TRIO: variants seen among roughly 807,000 people sequenced by gnomAD.
TRIO encodes the protein triple functional domain protein.
TRIO carries 58 observed loss-of-function variants against 351.9 expected under a neutral mutation model. The observed-to-expected ratio is 0.16, with a 90% CI of 0.13 to 0.21. TRIO has a LOEUF of 0.21. TRIO is among the 10% of genes least tolerant of loss of function. The pLI, the probability that TRIO is intolerant of heterozygous loss-of-function variation, is 1.00. For synonymous variants in TRIO, 1,758 were observed against 1,595.7 expected, an observed-to-expected ratio of 1.10 and a Z score of -2.42; for missense variants, 3,201 against 4,027.8, an observed-to-expected ratio of 0.79 and a Z score of 5.56.
At chr5:14,342,550 ACT>A (rs1253320488) in intron 11 of TRIO, among the ~76,000 whole-genome samples, 9 of 151,884 alleles carry the variant, frequency 5.9e-5, no homozygotes, top group African/African-American at 1.5e-4. Context: ...CATGGAAATG[ACT>A]CTCTGCAGCC....
intron 48 of TRIO, among the ~76,000 whole-genome samples, chr5:14,489,884 G>A (rs1293405886): frequency 6.6e-6 from 1 of 152,182 alleles, no homozygotes; most frequent in Non-Finnish European, 1.5e-5. Context: ...AGGGAACCTG[G>A]AAAGGGAACT....
At chr5:14,218,272 TAGGGTG>T (rs1224826713) in intron 1 of TRIO, among the ~76,000 whole-genome samples, 2 of 152,182 alleles carry the variant, frequency 1.3e-5, no homozygotes, top group Non-Finnish European at 2.9e-5. Flanking sequence ...TTAAAGAGCT[TAGGGTG>T]GTGCCTGGAC....
chr5:14,327,636 G>A lies in TRIO; in HGVS notation c.1732-3142G>A, dbSNP rs114021910. 5.6e-3 allele frequency among the ~76,000 whole-genome samples: 850 copies of A among 151,612 alleles called. 8 individuals are homozygous for A. Among genetic ancestry groups the A allele is most frequent in the African/African-American group, 0.018 (762 of 41,234 alleles). ...CTGGTGACTTAATTTTTCTCTTTAC[G>A]TAAGTTAAGTAATATACCGAATATA... On this transcript the variant is annotated intron_variant, in intron 9 of 56. Coordinates refer to ENST00000344204, the MANE Select transcript of TRIO (RefSeq NM_007118.4).
chr5:14,487,542 G>T lies in TRIO; in HGVS notation c.6914G>T (p.Gly2305Val). 9.4e-7 allele frequency: 1 copy of T among 1,064,218 alleles called. No homozygotes were observed. The highest frequency in any genetic ancestry group is 1.1e-6 in the Non-Finnish European group (1 of 872,146). 65.9% of individuals were successfully genotyped at this position (1,064,218 alleles called of 1,614,324 possible). ...GGGGSGGSGG[G>V]GGSGGGGAPS... ...GGCGGCAGCGGGGGCAGCGGCGGGG[G>T]TGGGGGCAGCGGCGGCGGCGGGGCC... is the stretch of plus-strand genomic sequence containing the variant. Residue 2305 changes from glycine (G) to valine (V), a missense_variant, in exon 48 of 57, where the codon GGT becomes GTT. Transcript: ENST00000344204.
At chr5:14,214,225 G>T (rs781443078) in intron 1 of TRIO, among the ~76,000 whole-genome samples, 1 of 152,204 alleles carries the variant, frequency 6.6e-6, no homozygotes, top group African/African-American at 2.4e-5. Context: ...GGTGGCATCA[G>T]TTGCTCTCTG....
chr5:14,242,535 G>A (rs552665476), intron 1 of TRIO, among the ~76,000 whole-genome samples: 1 of 152,250 alleles, frequency 6.6e-6, no homozygotes, highest in Non-Finnish European at 1.5e-5. Flanking sequence ...ATCCATACTG[G>A]TTCACAAATG....
At chr5:14,198,711 TG>T (rs1790921194) in intron 1 of TRIO, among the ~76,000 whole-genome samples, 1 of 152,178 alleles carries the variant, frequency 6.6e-6, no homozygotes. Context: ...AGCCCCTTGA[TG>T]TTGCCCAGTC....
At chr5:14,152,986 C>T (rs533082727) in intron 1 of TRIO, among the ~76,000 whole-genome samples, 1 of 152,234 alleles carries the variant, frequency 6.6e-6, no homozygotes. Context: ...TTAGGCCTTT[C>T]TCTCATACCT....
intron 1 of TRIO, among the ~76,000 whole-genome samples, chr5:14,249,067 T>C (rs1344348630): frequency 6.6e-6 from 1 of 152,196 alleles, no homozygotes; most frequent in Non-Finnish European, 1.5e-5. Flanking sequence ...AGGCTGAGAA[T>C]AGACGGGCAG....
intron 9 of TRIO, among the ~76,000 whole-genome samples, chr5:14,319,043 C>T (rs1312512250): frequency 2.0e-5 from 3 of 152,122 alleles, no homozygotes; most frequent in Non-Finnish European, 4.4e-5. Context: ...AATTTGGTGC[C>T]AAATACTTAA....
chr5:14,492,251 G>C, intron 48 of TRIO: 1 of 383,920 alleles, frequency 2.6e-6, no homozygotes, highest in South Asian at 3.1e-5. Context: ...GTCAGCAGGA[G>C]GACTAAGATG....
At chr5:14,283,260 C>T (rs1453223970) in intron 3 of TRIO, among the ~76,000 whole-genome samples, 4 of 152,160 alleles carry the variant, frequency 2.6e-5, no homozygotes, top group Non-Finnish European at 5.9e-5. Context: ...GTCTTGGGGC[C>T]TGTGAGACCT....
At chr5:14,233,882 C>G (rs2152225652) in intron 1 of TRIO, among the ~76,000 whole-genome samples, 1 of 152,152 alleles carries the variant, frequency 6.6e-6, no homozygotes, top group Middle Eastern at 3.4e-3. Context: ...ACTTGAAATC[C>G]TGGGTTCAAG....
chr5:14,484,667 G>A (rs574458959), intron 46 of TRIO, among the ~76,000 whole-genome samples: 18 of 152,134 alleles, frequency 1.2e-4, no homozygotes, highest in Non-Finnish European at 2.4e-4. Flanking sequence ...ATGGGATTAA[G>A]AACATTCATG....
At chr5:14,353,557 C>T (rs1441439024) in intron 11 of TRIO, among the ~76,000 whole-genome samples, 1 of 152,116 alleles carries the variant, frequency 6.6e-6, no homozygotes, top group Non-Finnish European at 1.5e-5. Context: ...ACCACCACAC[C>T]CAGCCCCAAG....
chr5:14,313,447 A>T (rs971136599), intron 8 of TRIO, among the ~76,000 whole-genome samples: 2 of 152,236 alleles, frequency 1.3e-5, no homozygotes, highest in African/African-American at 4.8e-5. Flanking sequence ...AGAGTACTCC[A>T]TTCTCAGTAG....
chr5:14,369,635 G>A, intron 18 of TRIO, 112 bp downstream of exon 18: 2 of 1,359,726 alleles, frequency 1.5e-6, no homozygotes, highest in African/African-American at 1.5e-5. Context: ...CTTGCCTGCT[G>A]TGGAATGTAA....
chr5:14,481,859 C>A (rs1755549260), intron 45 of TRIO: 2 of 456,248 alleles, frequency 4.4e-6, no homozygotes. Flanking sequence ...ATGGCAGAAA[C>A]AAGCAGGACC....
At chr5:14,305,000 G>A (rs1484664282) in intron 8 of TRIO, among the ~76,000 whole-genome samples, 3 of 152,208 alleles carry the variant, frequency 2.0e-5, no homozygotes, top group South Asian at 2.1e-4. Context: ...AGAAATCTAA[G>A]TGTAACATTT....
Sources: allele counts gnomAD v4.1 joint callset (sites outside exome capture counted in the v4.1 genomes callset), GRCh38; gene constraint gnomAD v4.1.1; transcripts MANE v1.5; gene names NCBI Gene and HGNC (gene_info 2026-07-23, HGNC 2026-07-21).